ST7: variants seen among roughly 807,000 people sequenced by gnomAD.
The protein encoded by ST7 is suppressor of tumorigenicity 7 protein.
A neutral mutation model predicts 78.7 loss-of-function variants in ST7; 28 were observed. The observed-to-expected ratio is 0.36, with a 90% confidence interval of 0.26 to 0.49. ST7 has a LOEUF of 0.49. ST7 is among the 20% of genes least tolerant of loss of function. ST7 has a pLI of 0.99. For missense variants in ST7, 418 were observed against 696.0 expected, an observed-to-expected ratio of 0.60 and a Z score of 4.49; for synonymous variants, 247 against 249.6, an observed-to-expected ratio of 0.99 and a Z score of 0.10.
chr7:117,142,204 A>T (rs1407163864), intron 9 of ST7, among the ~76,000 whole-genome samples: 6 of 152,104 alleles, frequency 3.9e-5, no homozygotes, highest in Non-Finnish European at 8.8e-5. Flanking sequence ...AATGAATGTC[A>T]TAGGGCTGAT....
intron 12 of ST7, among the ~76,000 whole-genome samples, chr7:117,203,530 T>G (rs780052381): frequency 1.1e-4 from 17 of 152,228 alleles, no homozygotes; most frequent in Non-Finnish European, 1.8e-4. Flanking sequence ...TGCCCGTTAA[T>G]GCTGGTTTGG....
intron 1 of ST7, among the ~76,000 whole-genome samples, chr7:116,975,015 T>C (rs999834710): frequency 1.3e-5 from 2 of 152,222 alleles, no homozygotes; most frequent in Non-Finnish European, 2.9e-5. Flanking sequence ...TTTCATATTT[T>C]AGTTAGGCTA....
At chr7:117,001,339 CAT>C (rs1380129608) in intron 1 of ST7, among the ~76,000 whole-genome samples, 11 of 150,124 alleles carry the variant, frequency 7.3e-5, no homozygotes, top group Non-Finnish European at 1.0e-4. Context: ...CTGAAAAAAA[CAT>C]AGAAAAGAAA....
At chr7:117,209,076 T>G (rs1353579800) in intron 12 of ST7, among the ~76,000 whole-genome samples, 3 of 152,152 alleles carry the variant, frequency 2.0e-5, no homozygotes, top group Non-Finnish European at 4.4e-5. Flanking sequence ...GGAAACGTAG[T>G]CTTTTCTCAG....
intron 12 of ST7, among the ~76,000 whole-genome samples, chr7:117,200,360 T>C (rs1170384665): frequency 6.6e-6 from 1 of 151,914 alleles, no homozygotes; most frequent in East Asian, 1.9e-4. Context: ...GTCCCACCCA[T>C]AGAGGAGGAG....
chr7:116,982,202 T>A (rs1793990765), intron 1 of ST7, among the ~76,000 whole-genome samples: 1 of 152,156 alleles, frequency 6.6e-6, no homozygotes, highest in South Asian at 2.1e-4. Context: ...TGCTGCTTCT[T>A]CTTTTTACTT....
intron 1 of ST7, among the ~76,000 whole-genome samples, chr7:117,009,748 A>G (rs552767094): frequency 6.6e-6 from 1 of 152,274 alleles, no homozygotes; most frequent in South Asian, 2.1e-4. Context: ...TCATCTTCTG[A>G]TAGAGTTAAA....
chr7:117,071,540 T>C (rs1798961190), intron 1 of ST7, among the ~76,000 whole-genome samples: 1 of 152,260 alleles, frequency 6.6e-6, no homozygotes, highest in Non-Finnish European at 1.5e-5. Context: ...TATGAAAATA[T>C]GGGCTTTGCC....
chr7:117,034,732 T>C (rs887368599), intron 1 of ST7, among the ~76,000 whole-genome samples: 1 of 152,246 alleles, frequency 6.6e-6, no homozygotes, highest in Non-Finnish European at 1.5e-5. Context: ...TATGATATTT[T>C]GATATAGATG....
At chr7:116,962,445 A>G (rs1792882434) in intron 1 of ST7, among the ~76,000 whole-genome samples, 1 of 152,196 alleles carries the variant, frequency 6.6e-6, no homozygotes, top group African/African-American at 2.4e-5. Flanking sequence ...CCTCACCAGC[A>G]TCTATGGTTT....
intron 1 of ST7, among the ~76,000 whole-genome samples, chr7:117,005,234 A>AT (rs966350711): frequency 2.6e-5 from 4 of 151,688 alleles, no homozygotes; most frequent in Admixed American, 6.6e-5. Context: ...AAATAACTTA[A>AT]TTTTTTTTTC....
rs1793690079 is a variant in ST7 at position 117,230,009 on chromosome 7, TTTTGTTG to T, written c.*154_*160del. ...TGGACTATTCCATATTAAAAGCTGT[TTTTGTTG>T]TACAAAATTCACTGATGTTCAGTTC... On this transcript the variant is annotated 3_prime_UTR_variant, in exon 16 of 16. Transcript: ENST00000323984. 1 of 785,088 alleles carries T rather than the reference TTTTGTTG, an allele frequency of 1.3e-6. No individual in the cohort carries two copies. Among genetic ancestry groups the T allele is most frequent in the Non-Finnish European group, 2.3e-6 (1 of 438,702 alleles). 48.6% of individuals were successfully genotyped at this position (785,088 alleles called of 1,614,324 possible).
chr7:117,009,230 C>T lies in ST7; in HGVS notation c.151+55539C>T, dbSNP rs560973158. On this transcript the variant is annotated intron_variant, in intron 1 of 15. Transcript: ENST00000323984. ...GCTGTATGCTACAGCTAAGAAATTCCTTAAAGAACTTCTCCACTTTTTTTT... is the reference window on the plus strand; with the variant it reads ...GCTGTATGCTACAGCTAAGAAATTCTTTAAAGAACTTCTCCACTTTTTTTT... Among the ~76,000 whole-genome samples, 7 of 148,986 alleles carry T rather than the reference C, an allele frequency of 4.7e-5. No homozygotes were observed. In the South Asian group the frequency reaches 1.3e-3, roughly 27 times the overall value.
At chr7:117,216,480 T>C (rs1792698392) in intron 13 of ST7, among the ~76,000 whole-genome samples, 1 of 152,216 alleles carries the variant, frequency 6.6e-6, no homozygotes, top group Admixed American at 6.5e-5. Context: ...TCTATTCTTA[T>C]TAGCACCACC....
intron 1 of ST7, among the ~76,000 whole-genome samples, chr7:117,036,152 A>G (rs1796885614): frequency 6.6e-6 from 1 of 152,182 alleles, no homozygotes; most frequent in Non-Finnish European, 1.5e-5. Flanking sequence ...CTGTTTGGCA[A>G]GCTTACTCCG....
intron 10 of ST7, among the ~76,000 whole-genome samples, chr7:117,181,424 TTA>T (rs1808760671): frequency 6.6e-6 from 1 of 152,214 alleles, no homozygotes; most frequent in African/African-American, 2.4e-5. Flanking sequence ...CACTCATTTG[TTA>T]GGTGGCTCTT....
intron 12 of ST7, among the ~76,000 whole-genome samples, chr7:117,199,333 C>A (rs1389147613): frequency 6.6e-6 from 1 of 152,146 alleles, no homozygotes; most frequent in Admixed American, 6.5e-5. Flanking sequence ...TTCCTCCCTG[C>A]CCCTGCACCC....
chr7:117,030,718 A>C (rs955451388), intron 1 of ST7, among the ~76,000 whole-genome samples: 1 of 152,194 alleles, frequency 6.6e-6, no homozygotes. Flanking sequence ...AGAAAAGGGA[A>C]CGCTTATACA....
chr7:117,195,624 G>A (rs1032691766), intron 12 of ST7, among the ~76,000 whole-genome samples: 8 of 152,178 alleles, frequency 5.3e-5, no homozygotes, highest in Admixed American at 6.5e-5. Flanking sequence ...GCAGGAAGCA[G>A]AAGAATGAGC....
Sources: allele counts gnomAD v4.1 joint callset (sites outside exome capture counted in the v4.1 genomes callset), GRCh38; gene constraint gnomAD v4.1.1; transcripts MANE v1.5; gene names NCBI Gene and HGNC (gene_info 2026-07-23, HGNC 2026-07-21).